Variants in TENM3 observed in about 807,000 individuals in gnomAD.
TENM3 encodes the protein teneurin transmembrane protein 3.
Under a neutral mutation model 255.1 loss-of-function variants are expected in TENM3, and 63 were observed. The observed-to-expected ratio is 0.25, with a 90% CI of 0.20 to 0.30. The LOEUF is 0.30. Ranked by LOEUF, TENM3 falls within the 10% of genes least tolerant of loss-of-function variation. The probability of loss-of-function intolerance (pLI) is 1.00; values close to 1 mark genes in which losing one functional copy is unlikely to be tolerated. For synonymous variants in TENM3, 1,306 were observed against 1,322.3 expected (o/e 0.99, Z 0.27); for missense variants, 2,929 against 3,461.1 (o/e 0.85, Z 3.86).
upstream of TENM3, among the ~76,000 whole-genome samples, chr4:182,239,662 T>G (rs962075010): frequency 1.3e-5 from 2 of 152,152 alleles, no homozygotes; most frequent in Non-Finnish European, 2.9e-5. Flanking sequence ...TAGAAAAGAT[T>G]TCAAACCAAA....
chr4:182,111,707 AAG>A, the TENM3 span, among the ~76,000 whole-genome samples: 1 of 152,156 alleles, frequency 6.6e-6, no homozygotes, highest in Non-Finnish European at 1.5e-5. Flanking sequence ...AGGCAGTTGT[AAG>A]AGATTTATTT....
intron 6 of TENM3, among the ~76,000 whole-genome samples, chr4:182,663,348 TATTAA>T (rs78974028): frequency 0.049 from 7,516 of 152,290 alleles, 324 homozygotes; most frequent in East Asian, 0.18. Flanking sequence ...TTTTCTTCTA[TATTAA>T]ATTATACTTA....
chr4:182,108,344 C>T, the TENM3 span, among the ~76,000 whole-genome samples: 1 of 152,238 alleles, frequency 6.6e-6, no homozygotes, highest in Admixed American at 6.5e-5. Context: ...AGGAAGGCTC[C>T]AATAAAAGGA....
chr4:181,719,058 T>C, the TENM3 span, among the ~76,000 whole-genome samples: 1 of 148,782 alleles, frequency 6.7e-6, no homozygotes, highest in Non-Finnish European at 1.5e-5. Flanking sequence ...TACAAAAAAT[T>C]AGCCGGGCGC....
At chr4:181,765,836 A>G in the TENM3 span, among the ~76,000 whole-genome samples, 4 of 152,324 alleles carry the variant, frequency 2.6e-5, no homozygotes, top group South Asian at 8.3e-4. Context: ...TCCTGTTATT[A>G]TTTGCCATAA....
chr4:182,228,669 T>C (rs929983846), intron 1 of TENM3, among the ~76,000 whole-genome samples: 1 of 152,152 alleles, frequency 6.6e-6, no homozygotes, highest in East Asian at 1.9e-4. Flanking sequence ...ATCAAGAAAG[T>C]TCGTTAAGAA....
At chr4:182,009,372 C>A in the TENM3 span, among the ~76,000 whole-genome samples, 1 of 152,162 alleles carries the variant, frequency 6.6e-6, no homozygotes, top group African/African-American at 2.4e-5. Context: ...CACCCCTCCC[C>A]CTAGGGCCTC....
At chr4:182,267,488 C>T (rs547195460) in intron 1 of TENM3, among the ~76,000 whole-genome samples, 103 of 152,250 alleles carry the variant, frequency 6.8e-4, no homozygotes, top group Admixed American at 1.2e-3. Flanking sequence ...GAACCAACCT[C>T]ATACCTTGCC....
At chr4:181,869,234 C>A in the TENM3 span, among the ~76,000 whole-genome samples, 1 of 152,128 alleles carries the variant, frequency 6.6e-6, no homozygotes, top group African/African-American at 2.4e-5. Flanking sequence ...AGAAGAACTT[C>A]TTGACTTTGC....
At chr4:181,739,850 G>C in the TENM3 span, among the ~76,000 whole-genome samples, 34 of 151,984 alleles carry the variant, frequency 2.2e-4, no homozygotes, top group African/African-American at 8.0e-4. Context: ...TTAAATAATC[G>C]CATTCTCTTC....
At chr4:182,594,716 G>GTC (rs1203996341) in intron 3 of TENM3, among the ~76,000 whole-genome samples, 2 of 137,086 alleles carry the variant, frequency 1.5e-5, no homozygotes, top group Admixed American at 7.5e-5. Flanking sequence ...GTGTGTGTGT[G>GTC]TGTGTGTGTG....
chr4:181,909,292 C>T, the TENM3 span, among the ~76,000 whole-genome samples: 108 of 152,142 alleles, frequency 7.1e-4, no homozygotes, highest in Admixed American at 2.2e-3. Context: ...TCTGTGATTT[C>T]GAATATCTTT....
the TENM3 span, among the ~76,000 whole-genome samples, chr4:182,136,151 G>GAA: frequency 1.4e-5 from 2 of 146,214 alleles, no homozygotes; most frequent in African/African-American, 2.5e-5. Flanking sequence ...AGCTGGTATG[G>GAA]AAAAAAAAAA....
chr4:181,676,212 G>A, the TENM3 span, among the ~76,000 whole-genome samples: 1 of 151,950 alleles, frequency 6.6e-6, no homozygotes, highest in East Asian at 1.9e-4. Flanking sequence ...AATGCATACT[G>A]GCCTAAATTG....
At chr4:182,214,035 C>G (rs757812802) in intron 1 of TENM3, among the ~76,000 whole-genome samples, 3 of 152,138 alleles carry the variant, frequency 2.0e-5, no homozygotes, top group Non-Finnish European at 4.4e-5. Flanking sequence ...ATCTCTTGAC[C>G]TTGTGATCCC....
At chr4:182,276,681 G>A (rs1350692372) in intron 1 of TENM3, among the ~76,000 whole-genome samples, 1 of 152,136 alleles carries the variant, frequency 6.6e-6, no homozygotes, top group Non-Finnish European at 1.5e-5. Flanking sequence ...TTTGCCTAGA[G>A]GAAATAATGT....
At chr4:181,836,582 C>T in the TENM3 span, among the ~76,000 whole-genome samples, 2,105 of 152,160 alleles carry the variant, frequency 0.014, 19 homozygotes, top group Non-Finnish European at 0.02. Flanking sequence ...TGACATTTAT[C>T]GCTTGTTCAG....
At chr4:181,811,238 C>G in the TENM3 span, among the ~76,000 whole-genome samples, 5 of 152,178 alleles carry the variant, frequency 3.3e-5, no homozygotes, top group African/African-American at 1.2e-4. Flanking sequence ...TTGAATACCT[C>G]TCTTCCCAGT....
the TENM3 span, among the ~76,000 whole-genome samples, chr4:181,462,498 T>C: frequency 6.6e-6 from 1 of 152,190 alleles, no homozygotes; most frequent in Admixed American, 6.5e-5. Flanking sequence ...CTTTATTTCT[T>C]TTCTCTCAAG....
Sources: allele counts gnomAD v4.1 joint callset (sites outside exome capture counted in the v4.1 genomes callset), GRCh38; gene constraint gnomAD v4.1.1; transcripts MANE v1.5; gene names NCBI Gene and HGNC (gene_info 2026-07-23, HGNC 2026-07-21).